Variants in DIPK1B observed in about 807,000 individuals in gnomAD.
DIPK1B encodes divergent protein kinase domain 1B.
In DIPK1B, 17 loss-of-function variants were observed where a neutral mutation model predicts 20.7. That is an observed-to-expected ratio of 0.82 (90% CI 0.56 to 1.23). The LOEUF (loss-of-function observed/expected upper bound fraction) is 1.23, where lower values mean the gene tolerates loss of function less well. Ranked by LOEUF, DIPK1B falls within the 50% of genes most tolerant of loss-of-function variation. The probability of loss-of-function intolerance (pLI) is 0.00; values close to 1 mark genes in which losing one functional copy is unlikely to be tolerated. For synonymous variants in DIPK1B, 343 were observed against 276.5 expected (o/e 1.24, Z -2.39); for missense variants, 648 against 601.8 (o/e 1.08, Z -0.80).
rs374895291 is a variant in DIPK1B at position 136,722,561 on chromosome 9, C to G, written c.483+260C>G. ...GCTCCTGCAGTCAAGGGCCGTGTGT[C>G]CAGCAGGGCAGGTGCCCCGAATGGA... On this transcript the variant is annotated intron_variant, in intron 4 of 4. Transcript: ENST00000371692. 199 of 580,914 alleles carry G rather than the reference C, an allele frequency of 3.4e-4. 2 individuals are homozygous for G. The highest frequency in any genetic ancestry group is 3.4e-3 in the African/African-American group (182 of 53,652). The allele number at this position is 580,914 out of a possible 1,614,324, so 36.0% of individuals were successfully genotyped here.
At chr9:136,716,380 G>T (rs140331251) in intron 1 of DIPK1B, among the ~76,000 whole-genome samples, 3 of 149,990 alleles carry the variant, frequency 2.0e-5, no homozygotes, top group African/African-American at 7.4e-5. Context: ...CAATCCTCCA[G>T]CCTCAGCCTC....
In DIPK1B at chr9:136,723,124, G is replaced by C; in HGVS notation, c.646G>C (p.Glu216Gln). 6.2e-7 allele frequency: 1 copy of C among 1,613,560 alleles called. No homozygotes were observed. The highest frequency in any genetic ancestry group is 1.1e-5 in the South Asian group (1 of 91,088). ...GCTGCTGCTGTCCCTGCAGGAGAAG[G>C]AGCACGCCTCCAGACTGCTGGGCTA... ...FLLLLSLQEKEHASRLLGYCG... is the reference protein window; with the variant it reads ...FLLLLSLQEKQHASRLLGYCG... Residue 216 changes from glutamate (E) to glutamine (Q), a missense_variant, in exon 5 of 5, where the codon GAG (glutamate) becomes CAG (glutamine). Physicochemically the swap from Glu to Gln is conservative, Grantham distance 29. Transcript: ENST00000371692.
At chr9:136,713,380 G>A (rs958842118) in intron 1 of DIPK1B, among the ~76,000 whole-genome samples, 1 of 152,214 alleles carries the variant, frequency 6.6e-6, no homozygotes, top group Non-Finnish European at 1.5e-5. Context: ...ATCTGCCGGA[G>A]GCGCCAGTCC....
At position 136,723,238 on chromosome 9, in the gene DIPK1B, C is replaced by T; in HGVS notation, c.760C>T (p.Pro254Ser). The T allele has an allele frequency of 6.2e-7, 1 of 1,612,260 alleles. No homozygotes were observed. The highest frequency in any genetic ancestry group is 8.5e-7 in the Non-Finnish European group (1 of 1,179,602). The change falls in exon 5 of 5, where the codon CCT becomes TCT. Residue 254 changes from proline to serine, a missense_variant. Transcript: ENST00000371692. ...LPPLLRPLLP[P>S]ALQGALQQWL... is the part of the protein sequence containing the mutation. ...ACCCCTGTTGCGCCCACTGCTGCCG[C>T]CTGCCCTGCAGGGTGCTCTCCAGCA...
rs1366302016 is a variant in DIPK1B at position 136,720,057 on chromosome 9, T to C, written c.199-1864T>C. Among the ~76,000 whole-genome samples the C allele has an allele frequency of 2.7e-5, 3 of 112,132 alleles. No homozygotes were observed. In the South Asian group the frequency reaches 9.2e-4, roughly 34 times the overall value. 73.6% of individuals were successfully genotyped at this position (112,132 alleles called of 152,430 possible). On this transcript the variant is annotated intron_variant, in intron 2 of 4. Coordinates refer to ENST00000371692, the MANE Select transcript of DIPK1B (RefSeq NM_152421.4). ...GCAGGGGCTGGTCTGGGGCTCCGGG[T>C]GCAGGGGGCTGGTCTGGGGTTCCGG... is the stretch of plus-strand genomic sequence containing the variant.
In DIPK1B at chr9:136,723,439, C is replaced by A. The variant is rs770649975; in HGVS notation, c.961C>A (p.Pro321Thr). 1 of 1,611,838 alleles carries A rather than the reference C, an allele frequency of 6.2e-7. No individual in the cohort carries two copies. The highest frequency in any genetic ancestry group is 1.3e-5 in the African/African-American group (1 of 75,014). Residue 321 changes from proline to threonine, a missense_variant, in exon 5 of 5, where the codon CCC (proline) becomes ACC (threonine). Pro to Thr is a conservative substitution (Grantham distance 38, BLOSUM62 -1). Coordinates refer to ENST00000371692, the MANE Select transcript of DIPK1B (RefSeq NM_152421.4). ...GATGGCCGACCTGCAGCAGGTGGCA[C>A]CCGAGGCCACCGTGCGCCGCTTCCT... ...FKMADLQQVAPEATVRRFLQG... is the reference protein window; with the variant it reads ...FKMADLQQVATEATVRRFLQG...
At position 136,721,956 on chromosome 9, in the gene DIPK1B, C is replaced by T. The variant is rs372449033; in HGVS notation, c.234C>T (p.Ser78=). ...ACCGCAAGGGGATCATCTCGGGCTC[C>T]GTCTGCCAGGACCTGTGTGAGCTGC... ...DQYRKGIISG[S]VCQDLCELHM... is the part of the protein sequence containing the mutation. The change falls in exon 3 of 5, where the codon TCC becomes TCT. Residue 78 remains serine (S), a synonymous_variant. Coordinates refer to ENST00000371692, the MANE Select transcript of DIPK1B (RefSeq NM_152421.4). 188 of 1,613,562 alleles carry T rather than the reference C, an allele frequency of 1.2e-4. 1 individual carries two copies. In the East Asian group the frequency reaches 3.9e-3, roughly 33 times the overall value.
In DIPK1B at chr9:136,722,124, G is replaced by C; in HGVS notation, c.307-1G>C. Reference sequence around the variant, plus strand: ...CGGAGGACCTCTGTGGCCCTGTCCAGGTGTACAGCGGGCTCTGGCGGGACA... The same window carrying C: ...CGGAGGACCTCTGTGGCCCTGTCCACGTGTACAGCGGGCTCTGGCGGGACA... On this transcript the variant is annotated splice_acceptor_variant, in intron 3 of 4. Transcript: ENST00000371692. LOFTEE classifies it high-confidence loss of function. 3.7e-6 allele frequency: 6 copies of C among 1,613,988 alleles called. No individual in the cohort carries two copies. The highest frequency in any genetic ancestry group is 5.1e-6 in the Non-Finnish European group (6 of 1,179,990).
At chr9:136,715,184 C>G (rs544482328) in intron 1 of DIPK1B, among the ~76,000 whole-genome samples, 1 of 152,272 alleles carries the variant, frequency 6.6e-6, no homozygotes, top group East Asian at 1.9e-4. Context: ...AGCTGGCCCC[C>G]AAGCCTGGGC....
chr9:136,719,690 A>G (rs553127793), intron 2 of DIPK1B, among the ~76,000 whole-genome samples: 50 of 152,324 alleles, frequency 3.3e-4, no homozygotes, highest in Non-Finnish European at 4.3e-4. Flanking sequence ...AGGTGCTGGT[A>G]GGTGCCCAGG....
At position 136,723,372 on chromosome 9, in the gene DIPK1B, C is replaced by G. The variant is rs776550296; in HGVS notation, c.894C>G (p.Thr298=). Residue 298 remains threonine, a synonymous_variant, in exon 5 of 5, where the codon ACC becomes ACG. Transcript: ENST00000371692. ...ACGGGACTTTCTACATGTGTGAGACCACACTGGCCAACGTGGGCTACACAG... is the reference window on the plus strand; with the variant it reads ...ACGGGACTTTCTACATGTGTGAGACGACACTGGCCAACGTGGGCTACACAG... The part of the protein sequence containing the change: ...GSYGTFYMCE[T]TLANVGYTAT... 6.2e-7 allele frequency: 1 copy of G among 1,613,334 alleles called. No individual in the cohort carries two copies. Among genetic ancestry groups the G allele is most frequent in the East Asian group, 2.2e-5 (1 of 44,874 alleles).
chr9:136,719,480 G>A (rs916533767), intron 2 of DIPK1B, among the ~76,000 whole-genome samples: 7 of 152,222 alleles, frequency 4.6e-5, no homozygotes, highest in Non-Finnish European at 1.0e-4. Context: ...CGCACACAAC[G>A]AGGCAGCAGC....
intron 2 of DIPK1B, among the ~76,000 whole-genome samples, chr9:136,719,562 G>A (rs1336557740): frequency 1.3e-5 from 2 of 152,244 alleles, no homozygotes; most frequent in East Asian, 3.8e-4. Context: ...TCCCCACTGA[G>A]CCCTGCTGCA....
At chr9:136,719,675 C>T in intron 2 of DIPK1B, among the ~76,000 whole-genome samples, 1 of 152,240 alleles carries the variant, frequency 6.6e-6, no homozygotes, top group East Asian at 1.9e-4. Flanking sequence ...TCTCCACACT[C>T]TGCTAGGTGC....
At chr9:136,718,480 C>T (rs557422433) in intron 2 of DIPK1B, among the ~76,000 whole-genome samples, 1 of 152,290 alleles carries the variant, frequency 6.6e-6, no homozygotes, top group Admixed American at 6.5e-5. Context: ...ACCCCCTGCC[C>T]CTCTCCACAC....
chr9:136,717,438 G>A (rs62582164), intron 1 of DIPK1B, 139 bp from the exon 2 acceptor site: 21,643 of 931,004 alleles, frequency 0.023, 422 homozygotes, highest in Admixed American at 0.076. Context: ...TCTAGAAGAC[G>A]GGGGTGCCAG....
intron 2 of DIPK1B, among the ~76,000 whole-genome samples, 180 bp downstream of exon 2, chr9:136,717,891 G>A (rs1274272062): frequency 5.3e-5 from 8 of 151,686 alleles, no homozygotes; most frequent in Non-Finnish European, 1.2e-4. Context: ...GTCCAGGGGA[G>A]GACGGGGGAG....
In DIPK1B at chr9:136,722,197, GC is replaced by G. The variant is rs779371253; in HGVS notation, c.382del (p.Arg128GlyfsTer28). On this transcript the variant is annotated frameshift_variant, in exon 4 of 5. Coordinates refer to ENST00000371692, the MANE Select transcript of DIPK1B (RefSeq NM_152421.4). LOFTEE classifies it high-confidence loss of function. ...CGIEETLDSK[A>X]RSDAAPRREL... ...CATTGAGGAGACCCTCGACTCCAAG[GC>G]CCGGTCGGATGCGGCCCCCCGGCGG... 1.2e-6 allele frequency: 2 copies of G among 1,613,912 alleles called. No individual in the cohort carries two copies.
At chr9:136,720,055 G>A in intron 2 of DIPK1B, among the ~76,000 whole-genome samples, 1 of 150,698 alleles carries the variant, frequency 6.6e-6, no homozygotes, top group African/African-American at 2.5e-5. Flanking sequence ...TGGGGCTCCG[G>A]GTGCAGGGGG....
Sources: gnomAD v4.1 joint callset for allele counts (sites outside exome capture counted in the v4.1 genomes callset) on GRCh38, gnomAD v4.1.1 for gene constraint, MANE v1.5 for transcripts, NCBI Gene and HGNC (gene_info 2026-07-23, HGNC 2026-07-21) for gene names.